Variants in TBC1D5 observed in about 807,000 individuals in gnomAD.
TBC1D5 encodes TBC1 domain family, member 5.
In TBC1D5, 75 loss-of-function variants were observed where a neutral mutation model predicts 100.3. The observed-to-expected ratio is 0.75, with a 90% CI of 0.62 to 0.91. The LOEUF is 0.91. TBC1D5 is among the 40% of genes least tolerant of loss of function. The probability of loss-of-function intolerance (pLI) is 0.00; values close to 1 mark genes in which losing one functional copy is unlikely to be tolerated. For synonymous variants in TBC1D5, 323 were observed against 325.6 expected (o/e 0.99, Z 0.09); for missense variants, 910 against 942.4 (o/e 0.97, Z 0.45).
Position 17,519,817 on chromosome 3 carries a change from A to G in TBC1D5, c.-35-11212T>C, listed in dbSNP as rs2096042527. 2.6e-5 allele frequency among the ~76,000 whole-genome samples: 4 copies of G among 152,278 alleles called. No individual in the cohort carries two copies. In the South Asian group the frequency reaches 6.2e-4, roughly 24 times the overall value. On this transcript the variant is annotated intron_variant, in intron 2 of 21. Transcript: ENST00000253692. ...GATATGGATTATACTATTTGAGATAAAAGATCTGAGTTTTCCATCTTATTA... is the reference window on the plus strand; with the variant it reads ...GATATGGATTATACTATTTGAGATAGAAGATCTGAGTTTTCCATCTTATTA...
At chr3:17,497,630 T>C (rs913811156) in intron 3 of TBC1D5, among the ~76,000 whole-genome samples, 2 of 152,252 alleles carry the variant, frequency 1.3e-5, no homozygotes, top group Non-Finnish European at 2.9e-5. Context: ...TGTAGTGTTC[T>C]ATGCTTGGCT....
At chr3:17,638,572 A>G (rs2064197850) in intron 1 of TBC1D5, among the ~76,000 whole-genome samples, 1 of 152,178 alleles carries the variant, frequency 6.6e-6, no homozygotes, top group East Asian at 1.9e-4. Flanking sequence ...AGTAATATAA[A>G]GTATAAATTT....
At chr3:17,363,092 T>C (rs1575530354) in intron 13 of TBC1D5, among the ~76,000 whole-genome samples, 1 of 152,208 alleles carries the variant, frequency 6.6e-6, no homozygotes, top group African/African-American at 2.4e-5. Flanking sequence ...TAGTTTTAAC[T>C]CATATTTATT....
chr3:17,623,863 G>T (rs1266888055), exon 2 of TBC1D5: 2 of 151,898 alleles, frequency 1.3e-5, no homozygotes, highest in Non-Finnish European at 2.9e-5. Context: ...TTTCTTTCAG[G>T]CTTTGAGAAT....
intron 3 of TBC1D5, among the ~76,000 whole-genome samples, chr3:17,491,511 C>T (rs551885943): frequency 3.9e-5 from 6 of 152,228 alleles, no homozygotes; most frequent in African/African-American, 1.4e-4. Context: ...GAGTTTTTAA[C>T]ATGAAGGGAT....
At chr3:17,434,022 C>T (rs531786171) in intron 3 of TBC1D5, among the ~76,000 whole-genome samples, 2 of 152,322 alleles carry the variant, frequency 1.3e-5, no homozygotes, top group South Asian at 2.1e-4. Context: ...TAGGCTCCCA[C>T]GGCCTTGGGT....
intron 1 of TBC1D5, among the ~76,000 whole-genome samples, chr3:17,650,911 T>C (rs1195886898): frequency 5.3e-5 from 8 of 152,222 alleles, no homozygotes; most frequent in Admixed American, 5.2e-4. Context: ...AACATTCAGA[T>C]TTTATACTGC....
In TBC1D5 at chr3:17,437,567, TG is replaced by T. The variant is rs2094558286; in HGVS notation, c.98-9049del. Reference sequence around the variant, plus strand: ...CAGGTATATAGGTAGTATGCATGTGTGTGTGTGTGTGTGTGTGGTGGGATGG... The same window carrying T: ...CAGGTATATAGGTAGTATGCATGTGTTGTGTGTGTGTGTGTGGTGGGATGG... On this transcript the variant is annotated intron_variant, in intron 3 of 21. Transcript: ENST00000253692. Among the ~76,000 whole-genome samples the T allele has an allele frequency of 2.7e-5, 4 of 149,696 alleles. 1 individual carries two copies. In the South Asian group the frequency reaches 8.6e-4, roughly 32 times the overall value.
intron 3 of TBC1D5, among the ~76,000 whole-genome samples, chr3:17,474,693 T>C (rs538529784): frequency 1.1e-4 from 17 of 152,234 alleles, no homozygotes; most frequent in Non-Finnish European, 2.1e-4. Context: ...TAATGCATCA[T>C]TGACATCGAA....
chr3:17,605,753 G>A (rs1009926196), intron 2 of TBC1D5, among the ~76,000 whole-genome samples: 6 of 152,018 alleles, frequency 3.9e-5, no homozygotes, highest in Admixed American at 6.6e-5. Context: ...AATTGTGACC[G>A]ACAAATATTA....
At chr3:17,168,007 C>T (rs546961554) in intron 19 of TBC1D5, among the ~76,000 whole-genome samples, 179 bp from the exon 21 acceptor site, 4 of 152,294 alleles carry the variant, frequency 2.6e-5, no homozygotes, top group Admixed American at 2.6e-4. Context: ...GAGAGGGCAG[C>T]ACTGGGCCTG....
At chr3:17,714,897 C>T (rs2075089390) in intron 1 of TBC1D5, among the ~76,000 whole-genome samples, 1 of 152,146 alleles carries the variant, frequency 6.6e-6, no homozygotes, top group Admixed American at 6.5e-5. Context: ...CATTACATTA[C>T]AGGATCCTTC....
At chr3:17,540,046 A>G (rs184883437) in intron 2 of TBC1D5, among the ~76,000 whole-genome samples, 11 of 152,312 alleles carry the variant, frequency 7.2e-5, no homozygotes, top group Non-Finnish European at 1.5e-4. Flanking sequence ...TAATGGGTGT[A>G]AGGTGGTATT....
At chr3:17,250,608 T>C (rs2348003) in intron 16 of TBC1D5, among the ~76,000 whole-genome samples, 60,088 of 152,110 alleles carry the variant, frequency 0.4, 12,603 homozygotes, top group Middle Eastern at 0.49. Flanking sequence ...TTCAGAAGCT[T>C]TGTACTTGCA....
chr3:17,565,493 C>A (rs2096587917), intron 2 of TBC1D5, among the ~76,000 whole-genome samples: 1 of 151,994 alleles, frequency 6.6e-6, no homozygotes, highest in South Asian at 2.1e-4. Flanking sequence ...AAATAAAAGT[C>A]TTTCCAAAGG....
chr3:17,723,041 T>C (rs2075830268), intron 1 of TBC1D5, among the ~76,000 whole-genome samples: 1 of 152,202 alleles, frequency 6.6e-6, no homozygotes, highest in Non-Finnish European at 1.5e-5. Flanking sequence ...GTGAAATTGG[T>C]CATTCAGTAC....
At chr3:17,178,122 G>A (rs1387086408) in intron 19 of TBC1D5, among the ~76,000 whole-genome samples, 1 of 146,926 alleles carries the variant, frequency 6.8e-6, no homozygotes, top group Non-Finnish European at 1.5e-5. Context: ...CTGGAGTGCA[G>A]TGGCGCGATC....
intron 2 of TBC1D5, among the ~76,000 whole-genome samples, chr3:17,550,648 A>C (rs1380237987): frequency 6.6e-6 from 1 of 152,162 alleles, no homozygotes. Context: ...GGCCACAATT[A>C]AAATTATGGT....
intron 3 of TBC1D5, among the ~76,000 whole-genome samples, chr3:17,492,318 C>T (rs1020305243): frequency 1.3e-5 from 2 of 152,066 alleles, no homozygotes; most frequent in African/African-American, 4.8e-5. Flanking sequence ...TTCTTGCATT[C>T]ATTCTGGTAG....
Sources: allele counts gnomAD v4.1 joint callset (sites outside exome capture counted in the v4.1 genomes callset), GRCh38; gene constraint gnomAD v4.1.1; transcripts MANE v1.5; gene names NCBI Gene and HGNC (gene_info 2026-07-23, HGNC 2026-07-21).